The following DOCK10 variants were observed in gnomAD, a reference collection of about 807,000 sequenced individuals.
DOCK10 encodes dedicator of cytokinesis protein 10.
Under a neutral mutation model 280.1 loss-of-function variants are expected in DOCK10, and 145 were observed. The ratio of observed to expected loss-of-function variants is 0.52; its 90% CI spans 0.45 to 0.59. The LOEUF (loss-of-function observed/expected upper bound fraction) is 0.59, where lower values mean the gene tolerates loss of function less well. DOCK10 is among the 20% of genes least tolerant of loss of function. The pLI is 0.00. For missense variants in DOCK10, 2,368 were observed against 2,651.7 expected (o/e 0.89, Z 2.35); for synonymous variants, 915 against 942.2 (o/e 0.97, Z 0.53).
chr2:224,803,989 T>G, intron 39 of DOCK10, 123 bp downstream of exon 39: 1 of 585,408 alleles, frequency 1.7e-6, no homozygotes, highest in South Asian at 2.5e-5. Flanking sequence ...TTTGAATATA[T>G]AAATAGAAAT....
chr2:224,978,423 AC>A (rs1262005932), intron 1 of DOCK10, among the ~76,000 whole-genome samples: 1 of 151,582 alleles, frequency 6.6e-6, no homozygotes, highest in Non-Finnish European at 1.5e-5. Flanking sequence ...ATAGAGCAAG[AC>A]TCCGTCTCGG....
Position 225,019,589 on chromosome 2 carries a change from G to A in DOCK10, c.123+22663C>T, listed in dbSNP as rs572905137. On this transcript the variant is annotated intron_variant, in intron 1 of 55. Coordinates refer to ENST00000258390, the MANE Select transcript of DOCK10 (RefSeq NM_014689.3). The stretch of plus-strand genomic sequence containing the variant: ...CCTTCCTGGCTTCCATCTGGTTCCC[G>A]CTGCTCAATGCCTACTATTTTCTCT... 5.9e-5 allele frequency among the ~76,000 whole-genome samples: 9 copies of A among 151,840 alleles called. 1 individual carries two copies. The South Asian group carries it at 1.2e-3, about 21-fold the overall frequency.
chr2:224,780,680 T>C (rs1691263553), intron 50 of DOCK10, among the ~76,000 whole-genome samples: 1 of 151,970 alleles, frequency 6.6e-6, no homozygotes, highest in Non-Finnish European at 1.5e-5. Flanking sequence ...GGTGGGCGGA[T>C]CACAAAGTAC....
chr2:225,001,355 T>A (rs933578597), intron 1 of DOCK10, among the ~76,000 whole-genome samples: 3 of 149,346 alleles, frequency 2.0e-5, no homozygotes, highest in Non-Finnish European at 4.4e-5. Flanking sequence ...AGTGGCTTGA[T>A]CTCAGCTCAC....
At chr2:224,956,295 T>A (rs192980320) in intron 1 of DOCK10, among the ~76,000 whole-genome samples, 507 of 152,268 alleles carry the variant, frequency 3.3e-3, no homozygotes, top group African/African-American at 0.012. Context: ...GCTCAGTAGC[T>A]CTCATTTGGG....
At chr2:224,963,330 ATATATTCGCAGT>A (rs1175130683) in intron 1 of DOCK10, among the ~76,000 whole-genome samples, 1 of 152,178 alleles carries the variant, frequency 6.6e-6, no homozygotes, top group African/African-American at 2.4e-5. Context: ...TCTACTGCTG[ATATATTCGCAGT>A]TAATACAGGT....
intron 4 of DOCK10, among the ~76,000 whole-genome samples, chr2:224,889,892 C>A (rs914170628): frequency 6.6e-6 from 1 of 152,188 alleles, no homozygotes; most frequent in African/African-American, 2.4e-5. Context: ...GCCTGAGATT[C>A]AGAGGAAGGT....
intron 1 of DOCK10, among the ~76,000 whole-genome samples, chr2:224,948,846 T>C (rs1703572057): frequency 6.6e-6 from 1 of 152,220 alleles, no homozygotes; most frequent in Admixed American, 6.5e-5. Flanking sequence ...TAACAAAGCA[T>C]TGAATAATCT....
At chr2:224,961,142 G>T (rs1704358673) in intron 1 of DOCK10, among the ~76,000 whole-genome samples, 1 of 152,218 alleles carries the variant, frequency 6.6e-6, no homozygotes, top group Non-Finnish European at 1.5e-5. Context: ...CAACTCGGAA[G>T]CCTTGAGTAG....
chr2:224,836,601 ATT>A (rs774289520), intron 25 of DOCK10, among the ~76,000 whole-genome samples: 13 of 143,082 alleles, frequency 9.1e-5, no homozygotes, highest in Admixed American at 7.0e-5. Context: ...GGAGTGTGGA[ATT>A]TTTTTTTTTT....
intron 47 of DOCK10, among the ~76,000 whole-genome samples, chr2:224,792,107 T>C (rs749735399): frequency 1.1e-4 from 16 of 152,136 alleles, no homozygotes; most frequent in Non-Finnish European, 1.8e-4. Context: ...GAGTAACTCT[T>C]TAGTCATTAT....
chr2:224,973,702 A>C (rs1337405698), intron 1 of DOCK10, among the ~76,000 whole-genome samples: 1 of 152,198 alleles, frequency 6.6e-6, no homozygotes, highest in East Asian at 1.9e-4. Context: ...GTGGTCATTT[A>C]TTACAGCAGA....
intron 19 of DOCK10, among the ~76,000 whole-genome samples, chr2:224,847,183 CAACT>C (rs1238491100): frequency 1.3e-5 from 2 of 152,190 alleles, no homozygotes; most frequent in Non-Finnish European, 1.5e-5. Flanking sequence ...GAATTGTTTT[CAACT>C]AACTGTTTAC....
chr2:225,032,974 C>T (rs1690123303), intron 1 of DOCK10, among the ~76,000 whole-genome samples: 1 of 152,058 alleles, frequency 6.6e-6, no homozygotes, highest in Non-Finnish European at 1.5e-5. Context: ...TTGTGTTAAT[C>T]CTAAATGGTG....
intron 30 of DOCK10, among the ~76,000 whole-genome samples, chr2:224,814,769 G>T (rs774432296): frequency 6.6e-6 from 1 of 151,996 alleles, no homozygotes; most frequent in Non-Finnish European, 1.5e-5. Context: ...TGATCTGCCT[G>T]CCTTGACCTC....
intron 1 of DOCK10, among the ~76,000 whole-genome samples, chr2:224,986,951 C>T (rs764083305): frequency 4.6e-5 from 7 of 152,156 alleles, no homozygotes; most frequent in Non-Finnish European, 8.8e-5. Flanking sequence ...AATTAACCCC[C>T]GCCTTCCTCC....
intron 24 of DOCK10, among the ~76,000 whole-genome samples, chr2:224,839,087 C>CT (rs1314339876): frequency 6.7e-6 from 1 of 149,976 alleles, no homozygotes; most frequent in Non-Finnish European, 1.5e-5. Context: ...CATAGCACTT[C>CT]TTTTTTTTTG....
chr2:224,867,558 A>T (rs1453180667), intron 11 of DOCK10, among the ~76,000 whole-genome samples: 1 of 152,234 alleles, frequency 6.6e-6, no homozygotes, highest in Non-Finnish European at 1.5e-5. Flanking sequence ...GAAGATGAGA[A>T]GAAGGGGACA....
At position 224,854,982 on chromosome 2, in the gene DOCK10, G is replaced by A. The variant is rs748393740; in HGVS notation, c.1869C>T (p.Asn623=). ...TCATACTTGGATGCTCCAAGGGAAC[G>A]TTGTCAACAGCAATATCCAGGCTTC... ...IPGSLDIAVD[N]VPLEHPNCVT... is the part of the protein sequence containing the mutation. Residue 623 remains asparagine, a synonymous_variant, in exon 16 of 56, where the codon AAC becomes AAT. Transcript: ENST00000258390. The A allele has an allele frequency of 3.2e-5, 52 of 1,606,958 alleles. No homozygotes were observed. The highest frequency in any genetic ancestry group is 4.1e-5 in the Non-Finnish European group (48 of 1,176,330).
Sources: allele counts gnomAD v4.1 joint callset (sites outside exome capture counted in the v4.1 genomes callset), GRCh38; gene constraint gnomAD v4.1.1; transcripts MANE v1.5; gene names NCBI Gene and HGNC (gene_info 2026-07-23, HGNC 2026-07-21).